WDR7: variants seen among roughly 807,000 people sequenced by gnomAD.
WDR7 encodes the protein WD repeat-containing protein 7.
Under a neutral mutation model 169.4 loss-of-function variants are expected in WDR7, and 46 were observed. The observed-to-expected ratio is 0.27, with a 90% CI of 0.21 to 0.35. The LOEUF is 0.35. Among genes scored for constraint, WDR7 ranks in the 10% least tolerant of loss-of-function variants. The pLI is 1.00. For synonymous variants in WDR7, 612 were observed against 666.8 expected (o/e 0.92, Z 1.27); for missense variants, 1,534 against 1,859.3 (o/e 0.83, Z 3.22).
chr18:56,673,670 C>T (rs576404756), intron 2 of WDR7, among the ~76,000 whole-genome samples: 1 of 152,094 alleles, frequency 6.6e-6, no homozygotes, highest in South Asian at 2.1e-4. Flanking sequence ...CCCATCTCTA[C>T]TGAAAATACA....
rs187838956 is a variant in WDR7, at chr18:56,855,640, G to T, written c.3305-24304G>T. ...CATATCTGGACCCTGGGGGGTTTTT[G>T]CTTACTTTATTCTGTTTGTGAATTT... On this transcript the variant is annotated intron_variant, in intron 20 of 27. Coordinates refer to ENST00000254442, the MANE Select transcript of WDR7 (RefSeq NM_015285.3). 5.6e-3 allele frequency among the ~76,000 whole-genome samples: 849 copies of T among 151,996 alleles called. 11 individuals carry two copies. The highest frequency in any genetic ancestry group is 0.019 in the African/African-American group (805 of 41,470).
intron 26 of WDR7, among the ~76,000 whole-genome samples, chr18:57,012,267 G>C (rs887015517): frequency 5.3e-5 from 8 of 152,174 alleles, no homozygotes; most frequent in Non-Finnish European, 7.4e-5. Flanking sequence ...GACTACCCTG[G>C]GAAAATGGGC....
At chr18:57,013,375 T>C (rs555265638) in intron 26 of WDR7, among the ~76,000 whole-genome samples, 1 of 152,368 alleles carries the variant, frequency 6.6e-6, no homozygotes, top group South Asian at 2.1e-4. Context: ...AGCATAGTAA[T>C]GCATGTTTAC....
intron 21 of WDR7, among the ~76,000 whole-genome samples, chr18:56,907,303 T>G (rs887130614): frequency 8.7e-5 from 10 of 114,728 alleles, no homozygotes; most frequent in African/African-American, 3.1e-4. Context: ...TGTTAAGCAT[T>G]GGGGTATGGT....
chr18:56,971,803 G>A (rs1161180199), intron 26 of WDR7, among the ~76,000 whole-genome samples: 1 of 152,170 alleles, frequency 6.6e-6, no homozygotes, highest in East Asian at 1.9e-4. Context: ...AGAAATATCA[G>A]AAATGTGTCC....
intron 20 of WDR7, among the ~76,000 whole-genome samples, chr18:56,839,194 T>C (rs921546674): frequency 6.6e-6 from 1 of 152,178 alleles, no homozygotes; most frequent in Non-Finnish European, 1.5e-5. Context: ...TTGATACCTG[T>C]ATACAATGTA....
At chr18:56,879,163 T>TG (rs1263020916) in intron 20 of WDR7, among the ~76,000 whole-genome samples, 2 of 152,210 alleles carry the variant, frequency 1.3e-5, no homozygotes, top group African/African-American at 2.4e-5. Context: ...CTGGGCCACA[T>TG]GGTAACCCTA....
At chr18:56,719,791 G>A (rs771640234) in intron 13 of WDR7, among the ~76,000 whole-genome samples, 2 of 152,112 alleles carry the variant, frequency 1.3e-5, no homozygotes, top group Non-Finnish European at 2.9e-5. Flanking sequence ...TCTATTCCAA[G>A]TCACTGGATA....
At chr18:56,737,545 T>G (rs1443688983) in intron 14 of WDR7, among the ~76,000 whole-genome samples, 1 of 152,164 alleles carries the variant, frequency 6.6e-6, no homozygotes, top group African/African-American at 2.4e-5. Context: ...TACCTTACAT[T>G]TCTCTCATGT....
intron 19 of WDR7, among the ~76,000 whole-genome samples, chr18:56,791,448 T>C (rs935281612): frequency 1.3e-5 from 2 of 152,166 alleles, no homozygotes; most frequent in Non-Finnish European, 2.9e-5. Context: ...AGAGAAAGCT[T>C]TTTCTTTACC....
chr18:56,932,290 C>T (rs1418914805), intron 22 of WDR7, among the ~76,000 whole-genome samples: 1 of 152,310 alleles, frequency 6.6e-6, no homozygotes, highest in East Asian at 1.9e-4. Context: ...GATGCCTCTT[C>T]AAAAGTGCTG....
intron 2 of WDR7, among the ~76,000 whole-genome samples, chr18:56,674,197 T>C (rs1250697141): frequency 1.3e-5 from 2 of 152,226 alleles, no homozygotes; most frequent in East Asian, 1.9e-4. Context: ...TAACCTGTTA[T>C]TTAAGGAACT....
chr18:56,754,380 TGTGTATATATAC>T (rs1305341492), intron 14 of WDR7, among the ~76,000 whole-genome samples: 1 of 151,184 alleles, frequency 6.6e-6, no homozygotes, highest in Non-Finnish European at 1.5e-5. Flanking sequence ...CACGTATATA[TGTGTATATATAC>T]GTGTATATAT....
chr18:56,892,204 A>G lies in WDR7; in HGVS notation c.3526+12039A>G, dbSNP rs145521643. Among the ~76,000 whole-genome samples the G allele has an allele frequency of 2.4e-3, 361 of 152,262 alleles. 2 individuals carry two copies. The highest frequency in any genetic ancestry group is 8.2e-3 in the African/African-American group (339 of 41,576). On this transcript the variant is annotated intron_variant, in intron 21 of 27. Coordinates refer to ENST00000254442, the MANE Select transcript of WDR7 (RefSeq NM_015285.3). The stretch of plus-strand genomic sequence containing the variant: ...TCTAAGGCCATTTCCATCTGAAATT[A>G]TAGACCTCTATGAAATTAATGTGAT...
chr18:56,692,439 TG>T (rs149991913), intron 9 of WDR7, among the ~76,000 whole-genome samples: 110,855 of 128,658 alleles, frequency 0.86, 49,127 homozygotes, highest in Non-Finnish European at 0.97. Flanking sequence ...GAGTTTTTTT[TG>T]TTTTTTTTTT....
intron 26 of WDR7, among the ~76,000 whole-genome samples, chr18:57,016,879 A>AT (rs2048214005): frequency 1.3e-5 from 2 of 152,170 alleles, no homozygotes; most frequent in Admixed American, 1.3e-4. Flanking sequence ...ATTTCTTTAT[A>AT]TTCCATTTCT....
At chr18:57,020,432 C>T (rs1357423804) in intron 26 of WDR7, among the ~76,000 whole-genome samples, 1 of 152,132 alleles carries the variant, frequency 6.6e-6, no homozygotes, top group Non-Finnish European at 1.5e-5. Flanking sequence ...TAAAATTTTT[C>T]CCTGTGGTGG....
intron 26 of WDR7, among the ~76,000 whole-genome samples, chr18:57,010,772 A>G (rs1388080379): frequency 2.6e-5 from 4 of 152,174 alleles, no homozygotes; most frequent in Non-Finnish European, 5.9e-5. Context: ...GTTCCTGATT[A>G]TCTGCAGCAA....
At chr18:56,781,353 A>C (rs2044315774) in intron 18 of WDR7, among the ~76,000 whole-genome samples, 180 bp from the exon 19 acceptor site, 1 of 152,218 alleles carries the variant, frequency 6.6e-6, no homozygotes, top group Admixed American at 6.5e-5. Context: ...AATATCTTTG[A>C]TGATTTGCTA....
Sources: allele counts gnomAD v4.1 joint callset (sites outside exome capture counted in the v4.1 genomes callset), GRCh38; gene constraint gnomAD v4.1.1; transcripts MANE v1.5; gene names NCBI Gene and HGNC (gene_info 2026-07-23, HGNC 2026-07-21).